Variants in KCNN2 observed in about 807,000 individuals in gnomAD.
KCNN2 encodes the protein potassium calcium-activated channel subfamily N member 2.
In KCNN2, 24 loss-of-function variants were observed where a neutral mutation model predicts 55.5. That is an observed-to-expected ratio of 0.43 (90% CI 0.31 to 0.61). The LOEUF is 0.61. Ranked by LOEUF, KCNN2 falls within the 20% of genes least tolerant of loss-of-function variation. The pLI is 0.08. For missense variants in KCNN2, 754 were observed against 853.6 expected (o/e 0.88, Z 1.45); for synonymous variants, 431 against 336.1 (o/e 1.28, Z -3.09).
At chr5:114,235,407 T>A (rs1301619174) in intron 2 of KCNN2, among the ~76,000 whole-genome samples, 1 of 152,182 alleles carries the variant, frequency 6.6e-6, no homozygotes, top group Non-Finnish European at 1.5e-5. Context: ...AATGATGAAA[T>A]TCATCACCTT....
intron 1 of KCNN2, among the ~76,000 whole-genome samples, chr5:114,064,572 G>C (rs1750403099): frequency 6.6e-6 from 1 of 152,194 alleles, no homozygotes; most frequent in African/African-American, 2.4e-5. Context: ...AACCCGGCGA[G>C]TGACCCCAGC....
chr5:114,488,720 A>G (rs1017786178), intron 6 of KCNN2, among the ~76,000 whole-genome samples: 1 of 151,628 alleles, frequency 6.6e-6, no homozygotes, highest in Non-Finnish European at 1.5e-5. Flanking sequence ...ACCTCACACA[A>G]CTCTCCTATT....
chr5:114,124,845 C>A (rs1191471224), intron 1 of KCNN2, among the ~76,000 whole-genome samples: 1 of 152,202 alleles, frequency 6.6e-6, no homozygotes, highest in African/African-American at 2.4e-5. Context: ...AATACACACA[C>A]TTTGTGTTAT....
chr5:114,310,269 T>C (rs1007271707), intron 2 of KCNN2, among the ~76,000 whole-genome samples: 1 of 152,162 alleles, frequency 6.6e-6, no homozygotes, highest in Non-Finnish European at 1.5e-5. Flanking sequence ...GCCACCATGA[T>C]GCACAGAAAC....
chr5:114,290,437 T>C (rs1197496870), intron 2 of KCNN2, among the ~76,000 whole-genome samples: 3 of 152,276 alleles, frequency 2.0e-5, no homozygotes, highest in Non-Finnish European at 4.4e-5. Context: ...TCAGTAGTTA[T>C]GTCCCCAGCT....
chr5:114,268,949 G>C (rs368071760), intron 2 of KCNN2, among the ~76,000 whole-genome samples: 29 of 151,530 alleles, frequency 1.9e-4, no homozygotes, highest in African/African-American at 7.0e-4. Flanking sequence ...GGGGTGGGGG[G>C]GTTCTCTGAG....
intron 1 of KCNN2, among the ~76,000 whole-genome samples, chr5:114,075,841 C>G (rs1347837608): frequency 6.6e-6 from 1 of 152,164 alleles, no homozygotes; most frequent in African/African-American, 2.4e-5. Flanking sequence ...GAAGCCTGGA[C>G]CAGCCTATTG....
intron 2 of KCNN2, among the ~76,000 whole-genome samples, chr5:114,260,871 G>T (rs761239054): frequency 1.3e-5 from 2 of 152,170 alleles, no homozygotes; most frequent in Non-Finnish European, 2.9e-5. Flanking sequence ...TGTTTGTCTG[G>T]AGTGAGGCAA....
Position 114,282,394 on chromosome 5 carries a change from A to C in KCNN2, c.-185+60829A>C, listed in dbSNP as rs185103303. ...ATTTTATAGATGTTGCAGAGAACTT[A>C]AAGATCACATTTTATTTCTATTTAT... On this transcript the variant is annotated intron_variant, in intron 2 of 10. Coordinates refer to the KCNN2 transcript ENST00000512097. Among the ~76,000 whole-genome samples the C allele has an allele frequency of 9.9e-5, 15 of 152,258 alleles. No homozygotes were observed. The East Asian group carries it at 2.9e-3, about 29-fold the overall frequency.
intron 1 of KCNN2, among the ~76,000 whole-genome samples, chr5:114,210,713 T>C (rs1753864865): frequency 6.6e-6 from 1 of 152,206 alleles, no homozygotes; most frequent in Non-Finnish European, 1.5e-5. Context: ...ATTGTAGTTA[T>C]TAACGACGAT....
At chr5:114,347,137 A>G (rs1315556319) in intron 2 of KCNN2, among the ~76,000 whole-genome samples, 1 of 152,244 alleles carries the variant, frequency 6.6e-6, no homozygotes, top group East Asian at 1.9e-4. Context: ...TTATTAAAGG[A>G]GGATATCACC....
intron 1 of KCNN2, among the ~76,000 whole-genome samples, chr5:114,171,772 C>T (rs745882719): frequency 6.6e-6 from 1 of 151,532 alleles, no homozygotes; most frequent in Non-Finnish European, 1.5e-5. Flanking sequence ...GGGCTACTCA[C>T]TAATGATTTT....
At chr5:114,390,960 A>C (rs968654057) in intron 2 of KCNN2, among the ~76,000 whole-genome samples, 2 of 152,124 alleles carry the variant, frequency 1.3e-5, no homozygotes, top group African/African-American at 4.8e-5. Context: ...ATTAAGTCTT[A>C]AGAGCAGCAT....
chr5:114,282,236 T>C (rs1755638632), intron 2 of KCNN2, among the ~76,000 whole-genome samples: 1 of 152,136 alleles, frequency 6.6e-6, no homozygotes, highest in Admixed American at 6.5e-5. Context: ...CATAATCTAA[T>C]CATTCCTTTG....
chr5:114,461,604 G>A (rs1422594002), intron 3 of KCNN2, among the ~76,000 whole-genome samples: 3 of 152,134 alleles, frequency 2.0e-5, no homozygotes, highest in African/African-American at 7.2e-5. Flanking sequence ...ATAAGAATGG[G>A]TCTCTTGTAT....
intron 5 of KCNN2, among the ~76,000 whole-genome samples, chr5:114,480,256 C>T (rs959430644): frequency 5.9e-5 from 9 of 152,048 alleles, no homozygotes; most frequent in African/African-American, 2.2e-4. Context: ...ACTAGAAAAT[C>T]TAGAAGAAAT....
intron 1 of KCNN2, among the ~76,000 whole-genome samples, chr5:114,208,669 G>A (rs562364838): frequency 3.4e-4 from 51 of 152,208 alleles, no homozygotes; most frequent in African/African-American, 1.2e-3. Context: ...GAAAAATGAG[G>A]CTTTACAAAC....
At chr5:114,480,087 C>T (rs1203699610) in intron 5 of KCNN2, among the ~76,000 whole-genome samples, 4 of 151,710 alleles carry the variant, frequency 2.6e-5, no homozygotes, top group African/African-American at 9.7e-5. Flanking sequence ...GGAGCTGGTT[C>T]TTTGAAAAAA....
intron 2 of KCNN2, among the ~76,000 whole-genome samples, chr5:114,247,370 A>C (rs535835183): frequency 6.6e-6 from 1 of 152,142 alleles, no homozygotes; most frequent in South Asian, 2.1e-4. Context: ...AATGTTCATG[A>C]AGTTTCCTTT....
Sources: gnomAD v4.1 joint callset for allele counts (sites outside exome capture counted in the v4.1 genomes callset) on GRCh38, gnomAD v4.1.1 for gene constraint, MANE v1.5 for transcripts, NCBI Gene and HGNC (gene_info 2026-07-23, HGNC 2026-07-21) for gene names.